POFUT2: variants seen among roughly 807,000 people sequenced by gnomAD.
The protein encoded by POFUT2 is GDP-fucose protein O-fucosyltransferase 2.
A neutral mutation model predicts 55.0 loss-of-function variants in POFUT2; 30 were observed. That is an observed-to-expected ratio of 0.55 (90% CI 0.41 to 0.74). The LOEUF (loss-of-function observed/expected upper bound fraction) is 0.74. Ranked by LOEUF, POFUT2 falls within the 30% of genes least tolerant of loss-of-function variation. The probability of loss-of-function intolerance (pLI) is 0.00; values close to 1 mark genes in which losing one functional copy is unlikely to be tolerated. For missense variants in POFUT2, 524 were observed against 562.6 expected (o/e 0.93, Z 0.69); for synonymous variants, 267 against 231.1 (o/e 1.16, Z -1.41).
Position 45,278,097 on chromosome 21 carries a change from A to T in POFUT2, c.705+6T>A. 3 of 1,611,414 alleles carry T rather than the reference A, an allele frequency of 1.9e-6. No individual in the cohort carries two copies. The highest frequency in any genetic ancestry group is 2.5e-6 in the Non-Finnish European group (3 of 1,177,540). Reference sequence around the variant, plus strand: ...CTGAGAAAAACGCTCCCGAGGAAACACTCACATCCCAGTATTCTTTCCCTC... The same window carrying T: ...CTGAGAAAAACGCTCCCGAGGAAACTCTCACATCCCAGTATTCTTTCCCTC... On this transcript the variant is annotated splice_donor_region_variant and intron_variant, in intron 5 of 8. Transcript: ENST00000349485.
At chr21:45,268,351 C>T (rs867910803) in intron 7 of POFUT2, among the ~76,000 whole-genome samples, 14 of 152,264 alleles carry the variant, frequency 9.2e-5, no homozygotes, top group African/African-American at 2.6e-4. Flanking sequence ...ACCTCCCAGC[C>T]GCCTGCCTTG....
In POFUT2 at chr21:45,283,547, G is replaced by A; in HGVS notation, c.383-20C>T. The A allele has an allele frequency of 6.2e-7, 1 of 1,612,842 alleles. No individual in the cohort carries two copies. Among genetic ancestry groups the A allele is most frequent in the Middle Eastern group, 1.7e-4 (1 of 6,058 alleles). ...CAGATTCTGAAAGACACCAAGAAAA[G>A]CCAGGCAGTGTGACAGCGATCAGAA... On this transcript the variant is annotated intron_variant, in intron 2 of 8. Coordinates refer to ENST00000349485, the MANE Select transcript of POFUT2 (RefSeq NM_133635.6).
At chr21:45,266,296 G>C in intron 8 of POFUT2, 2 of 1,366,296 alleles carry the variant, frequency 1.5e-6, no homozygotes, top group Non-Finnish European at 9.8e-7. Flanking sequence ...TGTACACAGA[G>C]CCACAGGGCC....
rs760098333 is a variant in POFUT2, at chr21:45,265,626, A to G, written c.1146T>C (p.Ile382=). The G allele has an allele frequency of 8.1e-6, 13 of 1,613,168 alleles. No individual in the cohort carries two copies. The East Asian group carries it at 2.7e-4, about 33-fold the overall frequency. Residue 382 remains isoleucine (I), a synonymous_variant, in exon 9 of 9, where the codon ATT becomes ATC. Coordinates refer to ENST00000349485, the MANE Select transcript of POFUT2 (RefSeq NM_133635.6). This position sits in a 1 kb window ranked among gnomAD's most constrained non-coding sequence, Gnocchi z 4.6. The part of the protein sequence containing the change: ...QWICAHARFF[I]GTSVSTFSFR... The stretch of plus-strand genomic sequence containing the variant: ...AAGAAAATGTTGAGACTGAGGTGCC[A>G]ATAAAAAACCTGCAAAGGATCACAG...
rs541597181 is a variant in POFUT2, at chr21:45,284,275, T to G, written c.383-748A>C. On this transcript the variant is annotated intron_variant, in intron 2 of 8. Coordinates refer to ENST00000349485, the MANE Select transcript of POFUT2 (RefSeq NM_133635.6). This position sits in a 1 kb window ranked among gnomAD's most constrained non-coding sequence, Gnocchi z 5.8. ...GGAGGGAGCATCGCGAAGGTGAAGTTCTGGTATCCTTTTTGCTCACTCATG... is the reference window on the plus strand; with the variant it reads ...GGAGGGAGCATCGCGAAGGTGAAGTGCTGGTATCCTTTTTGCTCACTCATG... Among the ~76,000 whole-genome samples, 89 of 152,126 alleles carry G rather than the reference T, an allele frequency of 5.9e-4. 1 individual carries two copies. In the South Asian group the frequency reaches 6.2e-3, roughly 11 times the overall value.
At position 45,277,888 on chromosome 21, in the gene POFUT2, A is replaced by G. The variant is rs1371121189; in HGVS notation, c.705+215T>C. 3.3e-6 allele frequency: 2 copies of G among 598,154 alleles called. No individual in the cohort carries two copies. The highest frequency in any genetic ancestry group is 6.0e-6 in the Non-Finnish European group (2 of 336,010). The allele number at this position is 598,154 out of a possible 1,614,324, so 37.1% of individuals were successfully genotyped here. A position where few individuals can be genotyped will look rare whatever the true frequency, so the allele number is the denominator to read the frequency against. ...CAGGGCCTGTGGCATCAGAGGGGAG[A>G]GCTGGGTGGCCCTGCGGGCTCCCGA... is the stretch of plus-strand genomic sequence containing the variant. On this transcript the variant is annotated intron_variant, in intron 5 of 8. Coordinates refer to ENST00000349485, the MANE Select transcript of POFUT2 (RefSeq NM_133635.6). The surrounding 1 kb of genome is among the most constrained non-coding windows in gnomAD (Gnocchi z 6.9).
At chr21:45,286,220 G>C (rs918025601) in intron 1 of POFUT2, among the ~76,000 whole-genome samples, 2 of 152,194 alleles carry the variant, frequency 1.3e-5, no homozygotes, top group Admixed American at 1.3e-4. Context: ...TTCTCAAACT[G>C]TTTGGTTTAA....
chr21:45,279,130 G>A (rs1285212851), intron 4 of POFUT2, among the ~76,000 whole-genome samples: 1 of 152,236 alleles, frequency 6.6e-6, no homozygotes, highest in African/African-American at 2.4e-5. Context: ...AGTGGCTCAC[G>A]CCTCTAATCC....
chr21:45,279,816 A>T (rs1364295257), intron 4 of POFUT2, among the ~76,000 whole-genome samples: 1 of 152,334 alleles, frequency 6.6e-6, no homozygotes, highest in Non-Finnish European at 1.5e-5. Flanking sequence ...GGTGATGTCC[A>T]TGTGTCGTAA....
Position 45,285,306 on chromosome 21 carries a change from T to C in POFUT2, c.382+372A>G. On this transcript the variant is annotated intron_variant, in intron 2 of 8. Transcript: ENST00000349485. This position sits in a 1 kb window ranked among gnomAD's most constrained non-coding sequence, Gnocchi z 4.9. ...CGCTGCACTGAGACACCACGAAGCA[T>C]ACTCCACACGCAGTGCGTCTTCCTG... The C allele has an allele frequency of 6.2e-6, 2 of 324,492 alleles. No homozygotes were observed. Among genetic ancestry groups the C allele is most frequent in the Non-Finnish European group, 1.2e-5 (2 of 165,874 alleles). The allele number at this position is 324,492 out of a possible 1,614,324, so 20.1% of individuals were successfully genotyped here.
chr21:45,282,107 C>G lies in POFUT2; in HGVS notation c.638+242G>C, dbSNP rs528615137. Among the ~76,000 whole-genome samples, 1 of 152,026 alleles carries G rather than the reference C, an allele frequency of 6.6e-6. No homozygotes were observed. Among genetic ancestry groups the G allele is most frequent in the East Asian group, 1.9e-4 (1 of 5,172 alleles). On this transcript the variant is annotated intron_variant, in intron 4 of 8. Transcript: ENST00000349485. The surrounding 1 kb of genome is among the most constrained non-coding windows in gnomAD (Gnocchi z 4.6). The stretch of plus-strand genomic sequence containing the variant: ...CCCCTCCCTGTGCACCTGGCCGGGC[C>G]GAGCCCTCACCTCTGTGCCCCTCAC...
At position 45,282,731 on chromosome 21, in the gene POFUT2, G is replaced by A. The variant is rs2030840919; in HGVS notation, c.528-272C>T. 1.9e-6 allele frequency: 1 copy of A among 538,076 alleles called. No individual in the cohort carries two copies. The highest frequency in any genetic ancestry group is 3.6e-6 in the Non-Finnish European group (1 of 278,122). 33.3% of individuals were successfully genotyped at this position (538,076 alleles called of 1,614,324 possible). Reference sequence around the variant, plus strand: ...AGGCAGAGGGAGCCGGACAGAGGCAGCCCTGTGCACCTTCAGGGCCAGCCT... The same window carrying A: ...AGGCAGAGGGAGCCGGACAGAGGCAACCCTGTGCACCTTCAGGGCCAGCCT... On this transcript the variant is annotated intron_variant, in intron 3 of 8. Coordinates refer to ENST00000349485, the MANE Select transcript of POFUT2 (RefSeq NM_133635.6). The surrounding 1 kb of genome is among the most constrained non-coding windows in gnomAD (Gnocchi z 4.6).
At chr21:45,266,918 A>C in intron 8 of POFUT2, 1 of 1,024,750 alleles carries the variant, frequency 9.8e-7, no homozygotes, top group South Asian at 3.8e-5. Flanking sequence ...TCTCCTATGC[A>C]GATGGGCAGG....
intron 8 of POFUT2, chr21:45,266,995 C>T: frequency 9.6e-7 from 1 of 1,040,744 alleles, no homozygotes; most frequent in Non-Finnish European, 1.2e-6. Flanking sequence ...TGACTGCACG[C>T]AGGGCCCACG....
At chr21:45,268,936 G>T (rs2093189270) in intron 7 of POFUT2, among the ~76,000 whole-genome samples, 1 of 100,112 alleles carries the variant, frequency 1.0e-5, no homozygotes, top group South Asian at 4.5e-4. Context: ...CGCCTGGCCA[G>T]CCGCCCCGTC....
At chr21:45,274,196 GAACTC>G (rs2093242918) in intron 6 of POFUT2, among the ~76,000 whole-genome samples, 1 of 151,920 alleles carries the variant, frequency 6.6e-6, no homozygotes, top group South Asian at 2.1e-4. Flanking sequence ...ATCAAACCAA[GAACTC>G]AACTCCTTTT....
In POFUT2 at chr21:45,270,519, C is replaced by G. The variant is rs1416102257; in HGVS notation, c.832-500G>C. Among the ~76,000 whole-genome samples, 1 of 152,234 alleles carries G rather than the reference C, an allele frequency of 6.6e-6. No individual in the cohort carries two copies. Among genetic ancestry groups the G allele is most frequent in the Non-Finnish European group, 1.5e-5 (1 of 68,038 alleles). On this transcript the variant is annotated intron_variant, in intron 6 of 8. Coordinates refer to ENST00000349485, the MANE Select transcript of POFUT2 (RefSeq NM_133635.6). The surrounding 1 kb of genome is among the most constrained non-coding windows in gnomAD (Gnocchi z 4.6). ...GAGAAAGCAACAGCTAATCCCACCA[C>G]CTGCAACCTCCTGGCTGTCCACAGG...
At chr21:45,278,515 G>A (rs2030108712) in intron 4 of POFUT2, among the ~76,000 whole-genome samples, 3 of 152,218 alleles carry the variant, frequency 2.0e-5, no homozygotes, top group South Asian at 4.1e-4. Flanking sequence ...CCTGAGGAGG[G>A]GAGGGTGGGG....
intron 8 of POFUT2, chr21:45,266,224 T>G: frequency 7.3e-7 from 1 of 1,367,580 alleles, no homozygotes. Flanking sequence ...CGGCACTTCA[T>G]GAACTTCGTG....
Sources: gnomAD v4.1 joint callset for allele counts (sites outside exome capture counted in the v4.1 genomes callset) on GRCh38, gnomAD v4.1.1 for gene constraint, Gnocchi (gnomAD v3.1) non-coding constraint, MANE v1.5 for transcripts, NCBI Gene and HGNC (gene_info 2026-07-23, HGNC 2026-07-21) for gene names.